Variants in NUP93 observed in about 807,000 individuals in gnomAD.
NUP93 encodes nuclear pore complex protein Nup93.
In NUP93, 55 loss-of-function variants were observed where a neutral mutation model predicts 107.8. That is an observed-to-expected ratio of 0.51 (90% confidence interval 0.41 to 0.64). The LOEUF is 0.64. Ranked by LOEUF, NUP93 falls within the 30% of genes least tolerant of loss-of-function variation. The probability of loss-of-function intolerance (pLI) is 0.00; values close to 1 mark genes in which losing one functional copy is unlikely to be tolerated. For missense variants in NUP93, 937 were observed against 1,044.7 expected, an observed-to-expected ratio of 0.90 and a Z score of 1.42; for synonymous variants, 390 against 397.5, an observed-to-expected ratio of 0.98 and a Z score of 0.22.
At chr16:56,836,573 C>T (rs902811967) in intron 16 of NUP93, 28 bp from the exon 17 acceptor site, 5 of 1,341,944 alleles carry the variant, frequency 3.7e-6, no homozygotes, top group Non-Finnish European at 5.4e-6. Flanking sequence ...TCTCTCTCTT[C>T]CTCCCCCTCC....
At chr16:56,833,142 C>T in intron 12 of NUP93, 73 bp from the exon 13 acceptor site, 2 of 1,343,078 alleles carry the variant, frequency 1.5e-6, no homozygotes, top group Non-Finnish European at 2.1e-6. Flanking sequence ...AGGGCTGCTG[C>T]CTGGGGGTTG....
intron 1 of NUP93, among the ~76,000 whole-genome samples, chr16:56,737,748 T>C (rs1390997328): frequency 3.3e-5 from 5 of 152,230 alleles, no homozygotes; most frequent in Admixed American, 6.5e-5. Flanking sequence ...GGTATGAATA[T>C]ACTGCCATAA....
chr16:56,735,552 AAG>A (rs1475334606), intron 1 of NUP93, among the ~76,000 whole-genome samples: 4 of 152,202 alleles, frequency 2.6e-5, no homozygotes, highest in Non-Finnish European at 5.9e-5. Flanking sequence ...CCGTGTCAGA[AAG>A]AGAGATGGGG....
intron 1 of NUP93, among the ~76,000 whole-genome samples, chr16:56,734,936 C>CT (rs1479877084): frequency 6.6e-6 from 1 of 152,226 alleles, no homozygotes; most frequent in African/African-American, 2.4e-5. Flanking sequence ...CTCTATCTTT[C>CT]TGACACGGCT....
rs1430722800 is a variant in NUP93 at position 56,827,069 on chromosome 16, A to AAAAAAAT, written c.795-1908_795-1907insAAAAAAT. Among the ~76,000 whole-genome samples, 48 of 125,608 alleles carry AAAAAAAT rather than the reference A, an allele frequency of 3.8e-4. 2 individuals are homozygous for AAAAAAAT. The highest frequency in any genetic ancestry group is 6.6e-4 in the Non-Finnish European group (39 of 58,966). 82.4% of individuals were successfully genotyped at this position (125,608 alleles called of 152,430 possible). On this transcript the variant is annotated intron_variant, in intron 8 of 21. Transcript: ENST00000308159. ...CAAAAAAAAAAAAAAAAAAAAAAAA[A>AAAAAAAT]TTTTGTTGAGTCTGTTTCCTGTTAT... is the stretch of plus-strand genomic sequence containing the variant.
intron 1 of NUP93, chr16:56,741,795 A>C (rs1326671936): frequency 6.6e-6 from 1 of 152,216 alleles, no homozygotes; most frequent in Non-Finnish European, 1.5e-5. Flanking sequence ...ATGATCTTTG[A>C]AGTTGAAAGA....
chr16:56,758,768 C>G, intron 3 of NUP93, 113 bp downstream of exon 3: 1 of 730,670 alleles, frequency 1.4e-6, no homozygotes, highest in Admixed American at 2.2e-5. Flanking sequence ...TAACTTTCTT[C>G]TTCCTCAGAT....
intron 5 of NUP93, among the ~76,000 whole-genome samples, chr16:56,816,811 C>T (rs1378291414): frequency 3.9e-5 from 6 of 152,150 alleles, no homozygotes; most frequent in Non-Finnish European, 8.8e-5. Flanking sequence ...CCTTGAATAG[C>T]TTGAAATCTG....
In NUP93 at chr16:56,840,356, C is replaced by T. The variant is rs140279974; in HGVS notation, c.2220+752C>T. 7.9e-4 allele frequency among the ~76,000 whole-genome samples: 120 copies of T among 152,284 alleles called. No individual in the cohort carries two copies. In the East Asian group the frequency reaches 0.016, roughly 21 times the overall value. On this transcript the variant is annotated intron_variant, in intron 20 of 21. Coordinates refer to ENST00000308159, the MANE Select transcript of NUP93 (RefSeq NM_014669.5). ...TCTAAAGACGCAAGTGCAGTGACCG[C>T]GGAGTAAGCTATCACCCCATAAGCC...
intron 3 of NUP93, among the ~76,000 whole-genome samples, chr16:56,790,303 T>C (rs1251600674): frequency 2.0e-5 from 3 of 152,190 alleles, no homozygotes; most frequent in Non-Finnish European, 4.4e-5. Context: ...TAACCAAACA[T>C]GCTATAAACC....
At chr16:56,756,483 T>G (rs1487496845) in intron 2 of NUP93, among the ~76,000 whole-genome samples, 1 of 152,186 alleles carries the variant, frequency 6.6e-6, no homozygotes, top group Non-Finnish European at 1.5e-5. Context: ...TCATTCTTTT[T>G]GATGGCTGCG....
chr16:56,794,927 C>CAA lies in NUP93; in HGVS notation c.298-3518_298-3517dup, dbSNP rs747651772. ...TGGGCGACAGAGCGAGACTCTGTCT[C>CAA]AAAAAAAAAAAAAAAAAAAAAAAAA... On this transcript the variant is annotated intron_variant, in intron 3 of 21. Transcript: ENST00000308159. 4.6e-3 allele frequency among the ~76,000 whole-genome samples: 329 copies of CAA among 71,950 alleles called. 6 individuals carry two copies. The highest frequency in any genetic ancestry group is 0.01 in the Middle Eastern group (1 of 100). 47.2% of individuals were successfully genotyped at this position (71,950 alleles called of 152,430 possible).
intron 1 of NUP93, among the ~76,000 whole-genome samples, chr16:56,738,345 G>A (rs1465220858): frequency 1.3e-5 from 2 of 152,178 alleles, no homozygotes; most frequent in Non-Finnish European, 2.9e-5. Flanking sequence ...TGTGATGCCA[G>A]GTTATTACTT....
intron 3 of NUP93, among the ~76,000 whole-genome samples, chr16:56,786,847 C>T (rs1444776372): frequency 1.3e-5 from 2 of 152,192 alleles, no homozygotes; most frequent in African/African-American, 4.8e-5. Context: ...CTTCTCCTCC[C>T]AGTAAGGATG....
In NUP93 at chr16:56,775,112, G is replaced by A. The variant is rs982154673; in HGVS notation, c.297+16457G>A. Among the ~76,000 whole-genome samples, 3 of 152,000 alleles carry A rather than the reference G, an allele frequency of 2.0e-5. No individual in the cohort carries two copies. In the East Asian group the frequency reaches 5.8e-4, roughly 29 times the overall value. The stretch of plus-strand genomic sequence containing the variant: ...GATGGGGTTTCACCATGTTGCCCAG[G>A]TTGGTCTCAAACTTCTGAGCTCAAG... On this transcript the variant is annotated intron_variant, in intron 3 of 21. Transcript: ENST00000308159.
At chr16:56,777,341 A>G (rs530677895) in intron 3 of NUP93, among the ~76,000 whole-genome samples, 11 of 152,290 alleles carry the variant, frequency 7.2e-5, no homozygotes, top group African/African-American at 2.4e-4. Flanking sequence ...TTATAGTCAT[A>G]TCAAAGTCAG....
intron 3 of NUP93, among the ~76,000 whole-genome samples, chr16:56,795,942 C>T (rs948719235): frequency 5.9e-5 from 9 of 152,102 alleles, no homozygotes; most frequent in South Asian, 2.1e-4. Flanking sequence ...CCACCGCGCT[C>T]GGCCATGGAG....
At chr16:56,804,597 T>C (rs1963091943) in intron 4 of NUP93, among the ~76,000 whole-genome samples, 1 of 152,010 alleles carries the variant, frequency 6.6e-6, no homozygotes, top group Non-Finnish European at 1.5e-5. Flanking sequence ...TTAATACCAC[T>C]GAACTATACA....
intron 3 of NUP93, among the ~76,000 whole-genome samples, chr16:56,793,167 A>G (rs757159260): frequency 1.3e-4 from 20 of 152,224 alleles, no homozygotes; most frequent in Non-Finnish European, 2.4e-4. Flanking sequence ...ACCAAAACAC[A>G]TTTGAGGAGC....
Sources: gnomAD v4.1 joint callset for allele counts (sites outside exome capture counted in the v4.1 genomes callset) on GRCh38, gnomAD v4.1.1 for gene constraint, MANE v1.5 for transcripts, NCBI Gene and HGNC (gene_info 2026-07-23, HGNC 2026-07-21) for gene names.